Variants in GABRG3 observed in about 807,000 individuals in gnomAD.
GABRG3 encodes the protein gamma-aminobutyric acid type A receptor subunit gamma3.
GABRG3 carries 25 observed loss-of-function variants against 48.8 expected under a neutral mutation model. The ratio of observed to expected loss-of-function variants is 0.51; its 90% confidence interval spans 0.37 to 0.72. The LOEUF is 0.72. GABRG3 is among the 30% of genes least tolerant of loss of function. The pLI, the probability that GABRG3 is intolerant of heterozygous loss-of-function variation, is 0.00. For missense variants in GABRG3, 394 were observed against 577.9 expected (o/e 0.68, Z 3.26); for synonymous variants, 227 against 217.6 (o/e 1.04, Z -0.38).
At chr15:27,164,656 G>A (rs150951815) in intron 3 of GABRG3, among the ~76,000 whole-genome samples, 1,986 of 152,314 alleles carry the variant, frequency 0.013, 27 homozygotes, top group Middle Eastern at 0.051. Flanking sequence ...AGATTCCAGG[G>A]CAGTTATCTG....
intron 3 of GABRG3, among the ~76,000 whole-genome samples, chr15:27,228,296 A>G (rs1014678910): frequency 7.9e-5 from 12 of 152,194 alleles, no homozygotes; most frequent in African/African-American, 2.9e-4. Context: ...GCTCCCACTT[A>G]TAAATGAGAA....
Position 27,123,219 on chromosome 15 carries a change from C to T in GABRG3, c.270+96398C>T, listed in dbSNP as rs1249557451. Among the ~76,000 whole-genome samples the T allele has an allele frequency of 2.0e-5, 3 of 152,160 alleles. No individual in the cohort carries two copies. The East Asian group carries it at 5.8e-4, about 29-fold the overall frequency. On this transcript the variant is annotated intron_variant, in intron 3 of 9. Transcript: ENST00000615808. ...GTTAGTGAAAAGAAATAGATGAGTTCTCATTCTTGTAGGTATCAGATATCT... is the reference window on the plus strand; with the variant it reads ...GTTAGTGAAAAGAAATAGATGAGTTTTCATTCTTGTAGGTATCAGATATCT...
chr15:27,446,625 TTTA>T, intron 5 of GABRG3, among the ~76,000 whole-genome samples: 1 of 152,332 alleles, frequency 6.6e-6, no homozygotes, highest in Admixed American at 6.5e-5. Flanking sequence ...TCTTATGTAT[TTTA>T]TTCTTTTTGA....
intron 2 of GABRG3, among the ~76,000 whole-genome samples, chr15:27,002,362 T>C (rs1240931033): frequency 6.6e-6 from 1 of 152,164 alleles, no homozygotes. Flanking sequence ...CCTTCAAAGA[T>C]AGCACTTCCT....
At chr15:26,971,619 G>T in intron 1 of GABRG3, 31 bp downstream of exon 1, 2 of 1,519,332 alleles carry the variant, frequency 1.3e-6, no homozygotes, top group Non-Finnish European at 8.8e-7. Context: ...ATCCCCGGAG[G>T]CCCCGAGCTG....
At chr15:27,501,157 T>C (rs1363322210) in intron 6 of GABRG3, among the ~76,000 whole-genome samples, 1 of 152,088 alleles carries the variant, frequency 6.6e-6, no homozygotes, top group Non-Finnish European at 1.5e-5. Context: ...TTCACCGTGT[T>C]AACCAGGATG....
intron 3 of GABRG3, 136 bp from the exon 4 acceptor site, chr15:27,326,673 A>T: frequency 1.5e-6 from 1 of 675,724 alleles, no homozygotes; most frequent in South Asian, 1.8e-5. Context: ...GCCATGTTGA[A>T]CCAGTCTCTA....
chr15:27,196,679 T>G lies in GABRG3; in HGVS notation c.271-130130T>G, dbSNP rs530558447. 2.0e-5 allele frequency among the ~76,000 whole-genome samples: 3 copies of G among 152,346 alleles called. No individual in the cohort carries two copies. The East Asian group carries it at 5.8e-4, about 29-fold the overall frequency. ...TGTGTTATGTCCTAATAGACAACATTTAATTAATCTTCATGGTAATCCAAT... is the reference window on the plus strand; with the variant it reads ...TGTGTTATGTCCTAATAGACAACATGTAATTAATCTTCATGGTAATCCAAT... On this transcript the variant is annotated intron_variant, in intron 3 of 9. Coordinates refer to ENST00000615808, the MANE Select transcript of GABRG3 (RefSeq NM_033223.5).
chr15:27,499,360 A>G (rs559935013), intron 6 of GABRG3, among the ~76,000 whole-genome samples: 54 of 152,242 alleles, frequency 3.5e-4, no homozygotes, highest in Middle Eastern at 3.4e-3. Flanking sequence ...GTCCATTCAG[A>G]TCTCCCATTA....
rs111855881 is a variant in GABRG3, at chr15:27,513,645, C to A, written c.713-6327C>A. ...AAACACATAATTAATGTTTGTGAGACGAGGAAAAGAATAAAACAAATAGGA... is the reference window on the plus strand; with the variant it reads ...AAACACATAATTAATGTTTGTGAGAAGAGGAAAAGAATAAAACAAATAGGA... On this transcript the variant is annotated intron_variant, in intron 6 of 9. Transcript: ENST00000615808. Among the ~76,000 whole-genome samples the A allele has an allele frequency of 2.6e-5, 4 of 151,118 alleles. No individual in the cohort carries two copies. The South Asian group carries it at 8.4e-4, about 32-fold the overall frequency.
intron 3 of GABRG3, among the ~76,000 whole-genome samples, chr15:27,157,323 A>G (rs1898457372): frequency 6.6e-6 from 1 of 152,234 alleles, no homozygotes; most frequent in African/African-American, 2.4e-5. Context: ...TTTCCCCATA[A>G]TAGTTGGTAA....
rs1419871567 is a variant in GABRG3 at position 27,538,636 on chromosome 15, G to C, written c.*5755G>C. On this transcript the variant is annotated 3_prime_UTR_variant, in exon 10 of 10. Coordinates refer to ENST00000615808, the MANE Select transcript of GABRG3 (RefSeq NM_033223.5). ...CCAGAGCCTCTATGTCTGCCGAACA[G>C]TTTAAATTGAACAGGTTGGAAAGAA... The C allele has an allele frequency of 6.6e-6, 1 of 152,208 alleles. No homozygotes were observed. Among genetic ancestry groups the C allele is most frequent in the Non-Finnish European group, 1.5e-5 (1 of 68,040 alleles). The allele number at this position is 152,208 out of a possible 1,614,324, so 9.4% of individuals were successfully genotyped here. A position where few individuals can be genotyped will look rare whatever the true frequency, so the allele number is the denominator to read the frequency against.
At chr15:27,379,242 G>GCTCA in intron 5 of GABRG3, among the ~76,000 whole-genome samples, 1 of 151,964 alleles carries the variant, frequency 6.6e-6, no homozygotes, top group East Asian at 1.9e-4. Flanking sequence ...CTTGTTTGGG[G>GCTCA]TTGTACTTGA....
intron 5 of GABRG3, chr15:27,366,534 CG>C (rs1640337441): frequency 6.6e-6 from 1 of 152,146 alleles, no homozygotes; most frequent in African/African-American, 2.4e-5. Flanking sequence ...TCCCTGTCTG[CG>C]GGGTAGGTCT....
chr15:27,062,587 G>A (rs1457539510), intron 3 of GABRG3, among the ~76,000 whole-genome samples: 5 of 151,926 alleles, frequency 3.3e-5, no homozygotes, highest in African/African-American at 9.7e-5. Flanking sequence ...CAGCCTGGGC[G>A]ACAGAGAGAG....
intron 5 of GABRG3, among the ~76,000 whole-genome samples, chr15:27,351,668 TTGTGTGTGTTTGTGTGTATGGTC>T (rs1305155392): frequency 6.8e-6 from 1 of 145,998 alleles, no homozygotes; most frequent in Non-Finnish European, 1.5e-5. Flanking sequence ...TATGGGGTAT[TTGTGTGTGTTTGTGTGTATGGTC>T]TGTGTGTGTG....
At chr15:27,172,905 G>A (rs148699147) in intron 3 of GABRG3, among the ~76,000 whole-genome samples, 19 of 152,220 alleles carry the variant, frequency 1.2e-4, no homozygotes, top group Non-Finnish European at 2.1e-4. Flanking sequence ...CATTCCTCTC[G>A]GGCCAACTGT....
intron 5 of GABRG3, among the ~76,000 whole-genome samples, chr15:27,430,388 A>G (rs908836972): frequency 6.6e-6 from 1 of 152,174 alleles, no homozygotes; most frequent in South Asian, 2.1e-4. Flanking sequence ...TGAATCACAA[A>G]CACAGGAATT....
Position 27,328,822 on chromosome 15 carries a change from G to T in GABRG3, c.508G>T (p.Glu170Ter). 1 of 1,614,020 alleles carries T rather than the reference G, an allele frequency of 6.2e-7. No homozygotes were observed. Among genetic ancestry groups the T allele is most frequent in the Non-Finnish European group, 8.5e-7 (1 of 1,179,882 alleles). Residue 170 changes from glutamate to a stop codon, truncating the protein, a stop_gained, in exon 5 of 10, where the codon GAG becomes TAG. Coordinates refer to ENST00000615808, the MANE Select transcript of GABRG3 (RefSeq NM_033223.5). LOFTEE classifies it high-confidence loss of function. ...TTTTCGCAGGCTCACCATCAATGCT[G>T]AGTGCCAGCTGCAGCTGCACAACTT... ...LYTLRLTINA[E>*]CQLQLHNFPM...
Sources: gnomAD v4.1 joint callset for allele counts (sites outside exome capture counted in the v4.1 genomes callset) on GRCh38, gnomAD v4.1.1 for gene constraint, MANE v1.5 for transcripts, NCBI Gene and HGNC (gene_info 2026-07-23, HGNC 2026-07-21) for gene names.